The following KMT2B variants were observed in gnomAD, a reference collection of about 807,000 sequenced individuals.
KMT2B encodes the protein histone-lysine N-methyltransferase 2B.
In KMT2B, 22 loss-of-function variants were observed where a neutral mutation model predicts 255.3. That is an observed-to-expected ratio of 0.09 (90% confidence interval 0.06 to 0.12). The LOEUF (loss-of-function observed/expected upper bound fraction) is 0.12. Among genes scored for constraint, KMT2B ranks in the 10% least tolerant of loss-of-function variants. The pLI is 1.00. For missense variants in KMT2B, 3,149 were observed against 3,737.0 expected (o/e 0.84, Z 4.10); for synonymous variants, 1,730 against 1,498.1 (o/e 1.15, Z -3.57).
In KMT2B at chr19:35,735,726, C is replaced by G. The variant is rs59075654; in HGVS notation, c.7160-964C>G. ...CCTCTCAAAGTCAGCCTGTCCCAAA[C>G]TGAGCCCTCCACCTGCACGCCAAAC... On this transcript the variant is annotated intron_variant, in intron 30 of 36. Transcript: ENST00000420124. 3.7e-3 allele frequency: 561 copies of G among 152,434 alleles called. 3 individuals carry two copies. Among genetic ancestry groups the G allele is most frequent in the African/African-American group, 0.012 (507 of 41,566 alleles). The allele number at this position is 152,434 out of a possible 1,614,324, so 9.4% of individuals were successfully genotyped here.
chr19:35,734,139 A>G (rs1011869766), intron 30 of KMT2B, among the ~76,000 whole-genome samples: 4 of 152,094 alleles, frequency 2.6e-5, no homozygotes, highest in African/African-American at 9.7e-5. Context: ...CTCAGAGCCT[A>G]GCCTGCCAGG....
rs761916721 is a variant in KMT2B, at chr19:35,736,684, G to A, written c.7160-6G>A. ...ATCTTCACTCCAACCTGCTTCTTGG[G>A]ACCAGGTGAGGCTTCGAGCTCTGAG... On this transcript the variant is annotated splice_region_variant and splice_polypyrimidine_tract_variant and intron_variant, in intron 30 of 36. Transcript: ENST00000420124. The A allele has an allele frequency of 2.5e-6, 4 of 1,613,286 alleles. No individual in the cohort carries two copies. Among genetic ancestry groups the A allele is most frequent in the Non-Finnish European group, 3.4e-6 (4 of 1,179,392 alleles).
At chr19:35,719,598 C>T (rs1260412254) in intron 2 of KMT2B, 57 bp downstream of exon 2, 41 of 1,533,650 alleles carry the variant, frequency 2.7e-5, no homozygotes, top group East Asian at 2.6e-4. Context: ...CCTCGCCCTT[C>T]GTGTCAGCTC....
In KMT2B at chr19:35,720,061, AGTG is replaced by A; in HGVS notation, c.719_721del (p.Val240del). 5.6e-6 allele frequency: 9 copies of A among 1,609,890 alleles called. No homozygotes were observed. Among genetic ancestry groups the A allele is most frequent in the Non-Finnish European group, 7.6e-6 (9 of 1,178,100 alleles). On this transcript the variant is annotated inframe_deletion, in exon 3 of 37. Transcript: ENST00000420124. The stretch of plus-strand genomic sequence containing the variant: ...CCTGCAGGAGGAAGCAGCAAGCAGT[AGTG>A]GTGGCAGAAGCAGCTGTGACAATCC...
chr19:35,727,822 A>G lies in KMT2B; in HGVS notation c.4392+35A>G. ...ACACCAGGAGGAGCAGGTGGGTGGC[A>G]GGAGGAGAGGGCTGGAATTGTGCAG... On this transcript the variant is annotated intron_variant, in intron 17 of 36. Transcript: ENST00000420124. The surrounding 1 kb of genome is among the most constrained non-coding windows in gnomAD (Gnocchi z 4.2). 3 of 1,613,216 alleles carry G rather than the reference A, an allele frequency of 1.9e-6. No homozygotes were observed. The highest frequency in any genetic ancestry group is 2.5e-6 in the Non-Finnish European group (3 of 1,179,298).
At chr19:35,735,737 A>G (rs1334411373) in intron 30 of KMT2B, 1 of 152,124 alleles carries the variant, frequency 6.6e-6, no homozygotes, top group African/African-American at 2.4e-5. Flanking sequence ...TGAGCCCTCC[A>G]CCTGCACGCC....
chr19:35,732,504 A>G lies in KMT2B; in HGVS notation c.5955A>G (p.Gly1985=). Residue 1985 remains glycine, a synonymous_variant, in exon 28 of 37, where the codon GGA becomes GGG. Coordinates refer to ENST00000420124, the MANE Select transcript of KMT2B (RefSeq NM_014727.3). ...PDFEDMEVVS[G]LSAADLDFAA... ...TCGAGGACATGGAGGTGGTGTCAGG[A>G]CTGAGTGCTGCTGACCTGGACTTCG... is the stretch of plus-strand genomic sequence containing the variant. 1.2e-6 allele frequency: 2 copies of G among 1,613,876 alleles called. No homozygotes were observed. Among genetic ancestry groups the G allele is most frequent in the South Asian group, 2.2e-5 (2 of 91,082 alleles).
Position 35,718,472 on chromosome 19 carries a change from C to T in KMT2B, c.363+91C>T. 8.4e-7 allele frequency: 1 copy of T among 1,187,038 alleles called. No individual in the cohort carries two copies. Among genetic ancestry groups the T allele is most frequent in the African/African-American group, 1.6e-5 (1 of 62,430 alleles). 73.5% of individuals were successfully genotyped at this position (1,187,038 alleles called of 1,614,324 possible). On this transcript the variant is annotated intron_variant, in intron 1 of 36. Transcript: ENST00000420124. The surrounding 1 kb of genome is among the most constrained non-coding windows in gnomAD (Gnocchi z 5.0). ...TTGTCCCGGGGGCGGCGTGGGCAGGCCGGGTCCTCAGGGTTCCTTCGGAGA... is the reference window on the plus strand; with the variant it reads ...TTGTCCCGGGGGCGGCGTGGGCAGGTCGGGTCCTCAGGGTTCCTTCGGAGA...
intron 19 of KMT2B, among the ~76,000 whole-genome samples, 164 bp downstream of exon 19, chr19:35,728,335 T>A (rs1969551930): frequency 6.6e-6 from 1 of 152,092 alleles, no homozygotes; most frequent in Non-Finnish European, 1.5e-5. Context: ...GGTTCTAGAC[T>A]AGCAAAGCTT....
Position 35,737,818 on chromosome 19 carries a change from T to C in KMT2B, c.7659-41T>C, listed in dbSNP as rs570639869. Reference sequence around the variant, plus strand: ...GAGTGAGCAGGGGTGAGAGAGGTCATTCTGAGCACCAGCCTGGGTGACACT... The same window carrying C: ...GAGTGAGCAGGGGTGAGAGAGGTCACTCTGAGCACCAGCCTGGGTGACACT... On this transcript the variant is annotated intron_variant, in intron 34 of 36. Coordinates refer to ENST00000420124, the MANE Select transcript of KMT2B (RefSeq NM_014727.3). This position sits in a 1 kb window ranked among gnomAD's most constrained non-coding sequence, Gnocchi z 5.3. 4 of 1,552,164 alleles carry C rather than the reference T, an allele frequency of 2.6e-6. No homozygotes were observed. In the South Asian group the frequency reaches 4.7e-5, roughly 18 times the overall value.
rs762187488 is a variant in KMT2B, at chr19:35,732,646, C to G, written c.6097C>G (p.Arg2033Gly). The change falls in exon 28 of 37, where the codon CGC (arginine) becomes GGC (glycine). Residue 2033 changes from arginine (R) to glycine (G), a missense_variant. Arg to Gly is a moderately radical substitution (Grantham distance 125). Transcript: ENST00000420124. ...CGAGGAGGAGTCCAGCCCCACCTCCCGCTACATCCACTTCCCTGTGACTGT... is the reference window on the plus strand; with the variant it reads ...CGAGGAGGAGTCCAGCCCCACCTCCGGCTACATCCACTTCCCTGTGACTGT... ...SSEEESSPTS[R>G]YIHFPVTVVS... 6.2e-7 allele frequency: 1 copy of G among 1,610,418 alleles called. No individual in the cohort carries two copies. The highest frequency in any genetic ancestry group is 8.5e-7 in the Non-Finnish European group (1 of 1,178,528).
intron 30 of KMT2B, 42 bp from the exon 31 acceptor site, chr19:35,736,648 C>T (rs367956489): frequency 3.2e-5 from 52 of 1,606,536 alleles, no homozygotes; most frequent in African/African-American, 2.5e-4. Context: ...CTTTTGAGTC[C>T]GGGAAGGGTG....
rs779668293 is a variant in KMT2B, at chr19:35,729,176, G to A, written c.4797G>A (p.Leu1599=). ...TGCCCCAGGAGGCGGGGCGGCTCTT[G>A]TACATCGGGCAGAACGAGTGGACAC... ...DADSKEAGRL[L]YIGQNEWTHV... Residue 1599 remains leucine, a synonymous_variant, in exon 22 of 37, where the codon TTG becomes TTA. Coordinates refer to ENST00000420124, the MANE Select transcript of KMT2B (RefSeq NM_014727.3). The A allele has an allele frequency of 1.7e-5, 28 of 1,613,454 alleles. No homozygotes were observed. The highest frequency in any genetic ancestry group is 5.0e-5 in the Admixed American group (3 of 59,892).
intron 14 of KMT2B, 29 bp downstream of exon 14, chr19:35,726,382 TG>T: frequency 6.8e-7 from 1 of 1,476,534 alleles, no homozygotes; most frequent in Non-Finnish European, 9.5e-7. Flanking sequence ...AACTGGATGC[TG>T]GGGGCCACAG....
chr19:35,729,100 C>G, intron 21 of KMT2B, 24 bp downstream of exon 21: 1 of 1,614,002 alleles, frequency 6.2e-7, no homozygotes, highest in East Asian at 2.2e-5. Flanking sequence ...TGTGACGCAC[C>G]AGGTTGTGGG....
intron 30 of KMT2B, chr19:35,735,192 G>A (rs753565152): frequency 5.8e-4 from 89 of 152,344 alleles, no homozygotes; most frequent in Non-Finnish European, 1.0e-3. Flanking sequence ...GGAGTCACAC[G>A]GCAGGAGTGT....
Position 35,722,623 on chromosome 19 carries a change from C to G in KMT2B, c.2627C>G (p.Ala876Gly), listed in dbSNP as rs1016987627. The G allele has an allele frequency of 1.9e-6, 3 of 1,612,496 alleles. No homozygotes were observed. The African/African-American group carries it at 4.0e-5, about 22-fold the overall frequency. The change falls in exon 5 of 37, where the codon GCT (alanine) becomes GGT (glycine). Residue 876 changes from alanine to glycine, a missense_variant. Physicochemically the swap from Ala to Gly is moderately conservative, Grantham distance 60. Around this residue, in one of 18 missense-constraint regions of KMT2B, gnomAD observed 132 missense variants for 174.7 expected, o/e 0.76. Transcript: ENST00000420124. ...ATCAAACATGTCTGCCGTCATGCTGCTGTGGCCCTGGGTCAGGCCCGGGCC... is the reference window on the plus strand; with the variant it reads ...ATCAAACATGTCTGCCGTCATGCTGGTGTGGCCCTGGGTCAGGCCCGGGCC... ...PRIKHVCRHA[A>G]VALGQARAMV...
At chr19:35,732,171 C>T (rs760249243) in intron 27 of KMT2B, 36 bp downstream of exon 27, 28 of 1,567,332 alleles carry the variant, frequency 1.8e-5, no homozygotes, top group Middle Eastern at 1.7e-4. Context: ...GGGGTGGAGC[C>T]GCGGAGGTGG....
chr19:35,729,845 G>A lies in KMT2B; in HGVS notation c.4918-122G>A, dbSNP rs1029528744. On this transcript the variant is annotated intron_variant, in intron 22 of 36. Coordinates refer to ENST00000420124, the MANE Select transcript of KMT2B (RefSeq NM_014727.3). Reference sequence around the variant, plus strand: ...GCCTGGATGCGGCTGGGGAGAGGCTGCGCCTAGGGAGAGCCTTTGCCGTGC... The same window carrying A: ...GCCTGGATGCGGCTGGGGAGAGGCTACGCCTAGGGAGAGCCTTTGCCGTGC... 5.3e-6 allele frequency: 5 copies of A among 945,522 alleles called. No homozygotes were observed. In the Admixed American group the frequency reaches 7.5e-5, roughly 14 times the overall value. 58.6% of individuals were successfully genotyped at this position (945,522 alleles called of 1,614,324 possible).
Sources: gnomAD v4.1 joint callset for allele counts (sites outside exome capture counted in the v4.1 genomes callset) on GRCh38, gnomAD v4.1.1 for gene constraint, gnomAD v4.1.1 regional missense constraint, Gnocchi (gnomAD v3.1) non-coding constraint, MANE v1.5 for transcripts, NCBI Gene and HGNC (gene_info 2026-07-23, HGNC 2026-07-21) for gene names.